Variants in EXOSC7 observed in about 807,000 individuals in gnomAD.
The protein encoded by EXOSC7 is exosome component 7, also known as exosome complex component RRP42.
In EXOSC7, 25 loss-of-function variants were observed where a neutral mutation model predicts 34.3. The observed-to-expected ratio is 0.73, with a 90% CI of 0.53 to 1.02. The LOEUF is 1.02. Among genes scored for constraint, EXOSC7 ranks in the 50% least tolerant of loss-of-function variants. The pLI is 0.00. For synonymous variants in EXOSC7, 130 were observed against 143.0 expected (o/e 0.91, Z 0.65); for missense variants, 370 against 368.5 (o/e 1.00, Z -0.03).
At chr3:45,010,593 T>G (rs964775147) in intron 7 of EXOSC7, among the ~76,000 whole-genome samples, 1 of 152,186 alleles carries the variant, frequency 6.6e-6, no homozygotes, top group Admixed American at 6.5e-5. Flanking sequence ...TTTGTTTTTT[T>G]TACCTCTCGT....
chr3:44,996,949 C>A (rs748802166), intron 3 of EXOSC7, 138 bp from the exon 4 acceptor site: 2 of 832,090 alleles, frequency 2.4e-6, no homozygotes, highest in Non-Finnish European at 3.9e-6. Flanking sequence ...CAGATGCCAT[C>A]CTTTCCTCAT....
rs1707204770 is a variant in EXOSC7 at position 45,011,291 on chromosome 3, G to C, written c.828G>C (p.Lys276Asn). The change falls in exon 8 of 8, where the codon AAG (lysine) becomes AAC (asparagine). Residue 276 changes from lysine to asparagine, a missense_variant. Physicochemically the swap from Lys to Asn is moderately conservative, Grantham distance 94. Transcript: ENST00000265564. The part of the protein sequence containing the change: ...LHASLQSVVH[K>N]EESLGPKRQK... ...CCTCCTTGCAGAGTGTTGTGCACAA[G>C]GAAGAAAGCCTGGGGCCCAAGAGAC... 4 of 1,613,554 alleles carry C rather than the reference G, an allele frequency of 2.5e-6. No individual in the cohort carries two copies. The highest frequency in any genetic ancestry group is 3.4e-6 in the Non-Finnish European group (4 of 1,179,766).
At chr3:44,982,145 C>T (rs1329462311) in intron 1 of EXOSC7, among the ~76,000 whole-genome samples, 1 of 152,242 alleles carries the variant, frequency 6.6e-6, no homozygotes, top group African/African-American at 2.4e-5. Flanking sequence ...CCTCTCTGGG[C>T]TCCTCCATAT....
intron 3 of EXOSC7, among the ~76,000 whole-genome samples, chr3:44,996,597 G>A (rs934727814): frequency 1.3e-5 from 2 of 152,114 alleles, no homozygotes; most frequent in African/African-American, 2.4e-5. Flanking sequence ...AAAGGTTATT[G>A]TACTTACATT....
chr3:45,007,603 A>G (rs2125974097), intron 7 of EXOSC7, 28 bp downstream of exon 7: 2 of 1,571,156 alleles, frequency 1.3e-6, no homozygotes, highest in Non-Finnish European at 8.6e-7. Context: ...AGGAAGGTGC[A>G]GGGACCTGGC....
chr3:44,979,121 G>T (rs796615084), intron 1 of EXOSC7, among the ~76,000 whole-genome samples: 1 of 152,120 alleles, frequency 6.6e-6, no homozygotes, highest in African/African-American at 2.4e-5. Context: ...ATTAATGTTG[G>T]CCCAAAATAT....
At chr3:44,997,670 T>A (rs1329376890) in intron 4 of EXOSC7, among the ~76,000 whole-genome samples, 1 of 152,212 alleles carries the variant, frequency 6.6e-6, no homozygotes, top group Non-Finnish European at 1.5e-5. Flanking sequence ...ATGGACACTG[T>A]TATATTTCCC....
At chr3:45,006,068 CTTTTTTTTTT>C (rs34869939) in intron 6 of EXOSC7, among the ~76,000 whole-genome samples, 11 of 47,250 alleles carry the variant, frequency 2.3e-4, no homozygotes, top group Admixed American at 1.0e-3. Flanking sequence ...TGGGTCTTGG[CTTTTTTTTTT>C]TTTTTTTTTT....
intron 1 of EXOSC7, among the ~76,000 whole-genome samples, chr3:44,988,598 T>C (rs1431604010): frequency 6.6e-6 from 1 of 151,718 alleles, no homozygotes; most frequent in Non-Finnish European, 1.5e-5. Context: ...GTAAAACTTA[T>C]TTACAAAAAC....
chr3:44,997,931 C>T (rs192151858), intron 4 of EXOSC7, among the ~76,000 whole-genome samples: 3 of 152,298 alleles, frequency 2.0e-5, no homozygotes, highest in South Asian at 2.1e-4. Context: ...GAGTCCAGCC[C>T]GTCATTTCTT....
At chr3:44,989,478 A>G (rs1706512294) in intron 2 of EXOSC7, 72 bp from the exon 3 acceptor site, 15 of 1,254,406 alleles carry the variant, frequency 1.2e-5, no homozygotes, top group Non-Finnish European at 1.6e-5. Flanking sequence ...GTGTATGTCC[A>G]GAAGAGGAGG....
chr3:45,008,727 A>G (rs1488769336), intron 7 of EXOSC7, among the ~76,000 whole-genome samples: 1 of 152,190 alleles, frequency 6.6e-6, no homozygotes, highest in East Asian at 1.9e-4. Context: ...CCTGAGTTCA[A>G]ATTTCTCCAG....
At chr3:44,984,466 CAAAA>C (rs34120284) in intron 1 of EXOSC7, among the ~76,000 whole-genome samples, 1 of 115,888 alleles carries the variant, frequency 8.6e-6, no homozygotes, top group Admixed American at 8.9e-5. Flanking sequence ...GATCCTGTCT[CAAAA>C]AAAAAAAAAA....
At chr3:44,982,958 G>A (rs1706310774) in intron 1 of EXOSC7, among the ~76,000 whole-genome samples, 1 of 152,178 alleles carries the variant, frequency 6.6e-6, no homozygotes. Context: ...TCCTAAGGGC[G>A]GGGGGCAGTC....
At chr3:44,995,688 A>G (rs1027835092) in intron 3 of EXOSC7, among the ~76,000 whole-genome samples, 25 of 152,190 alleles carry the variant, frequency 1.6e-4, no homozygotes, top group Non-Finnish European at 3.5e-4. Flanking sequence ...CGAGGTTGCT[A>G]TGGCAGTAAT....
intron 6 of EXOSC7, among the ~76,000 whole-genome samples, chr3:45,006,562 G>A (rs1244315953): frequency 6.8e-6 from 1 of 147,970 alleles, no homozygotes; most frequent in Non-Finnish European, 1.5e-5. Flanking sequence ...GACTACAGGC[G>A]CCCGCCACCG....
chr3:45,011,309 CA>C lies in EXOSC7; in HGVS notation c.848del (p.Lys283ArgfsTer?), dbSNP rs1559754185. On this transcript the variant is annotated frameshift_variant, in exon 8 of 8. Transcript: ENST00000265564. LOFTEE classifies it high-confidence loss of function. ...VVHKEESLGP[K>X]RQKVGFLG ...TGCACAAGGAAGAAAGCCTGGGGCC[CA>C]AGAGACAGAAAGTTGGATTCCTGGG... is the stretch of plus-strand genomic sequence containing the variant. 6.2e-7 allele frequency: 1 copy of C among 1,612,824 alleles called. No homozygotes were observed. The highest frequency in any genetic ancestry group is 8.5e-7 in the Non-Finnish European group (1 of 1,179,344).
Position 45,011,446 on chromosome 3 carries a change from G to A in EXOSC7, c.*107G>A. 2.8e-6 allele frequency: 2 copies of A among 727,084 alleles called. No individual in the cohort carries two copies. Among genetic ancestry groups the A allele is most frequent in the Non-Finnish European group, 4.6e-6 (2 of 433,264 alleles). The allele number at this position is 727,084 out of a possible 1,614,324, so 45.0% of individuals were successfully genotyped here. A position where few individuals can be genotyped will look rare whatever the true frequency, so the allele number is the denominator to read the frequency against. ...CGAATTTACAGCAGCATTTGTACAT[G>A]TAAAATTAAAGGCTATTTTCTGGTC... On this transcript the variant is annotated 3_prime_UTR_variant, in exon 8 of 8. Coordinates refer to ENST00000265564, the MANE Select transcript of EXOSC7 (RefSeq NM_015004.4).
chr3:45,001,503 G>A lies in EXOSC7; in HGVS notation c.421-35G>A, dbSNP rs749946801. 6 of 1,540,410 alleles carry A rather than the reference G, an allele frequency of 3.9e-6. No individual in the cohort carries two copies. In the African/African-American group the frequency reaches 8.2e-5, roughly 21 times the overall value. On this transcript the variant is annotated intron_variant, in intron 4 of 7. Transcript: ENST00000265564. ...TACCTAAAGTAATAAGTGATGCTTGGTTTTTTTTCCTTTTTCAATTCCTGT... is the reference window on the plus strand; with the variant it reads ...TACCTAAAGTAATAAGTGATGCTTGATTTTTTTTCCTTTTTCAATTCCTGT...
Sources: gnomAD v4.1 joint callset for allele counts (sites outside exome capture counted in the v4.1 genomes callset) on GRCh38, gnomAD v4.1.1 for gene constraint, MANE v1.5 for transcripts, NCBI Gene and HGNC (gene_info 2026-07-23, HGNC 2026-07-21) for gene names.